MDGA2: variants seen among roughly 807,000 people sequenced by gnomAD.
MDGA2 encodes the protein MAM domain containing glycosylphosphatidylinositol anchor 2.
Under a neutral mutation model 117.8 loss-of-function variants are expected in MDGA2, and 40 were observed. That is an observed-to-expected ratio of 0.34 (90% CI 0.26 to 0.44). MDGA2 has a LOEUF of 0.44. Ranked by LOEUF, MDGA2 falls within the 20% of genes least tolerant of loss-of-function variation. MDGA2 has a pLI of 1.00. For synonymous variants in MDGA2, 452 were observed against 439.0 expected (o/e 1.03, Z -0.37); for missense variants, 1,123 against 1,250.6 (o/e 0.90, Z 1.54).
At chr14:47,645,865 G>A (rs1160956262) in intron 1 of MDGA2, among the ~76,000 whole-genome samples, 2 of 151,710 alleles carry the variant, frequency 1.3e-5, no homozygotes, top group Admixed American at 1.3e-4. Flanking sequence ...GAGGTCAGAA[G>A]ATCGAGACCA....
At chr14:46,940,768 T>A (rs1884969179) in intron 9 of MDGA2, among the ~76,000 whole-genome samples, 1 of 152,156 alleles carries the variant, frequency 6.6e-6, no homozygotes, top group Non-Finnish European at 1.5e-5. Flanking sequence ...AAGAACTGAA[T>A]GTTCAATGGT....
intron 1 of MDGA2, among the ~76,000 whole-genome samples, chr14:47,378,505 T>C (rs4900742): frequency 0.98 from 149,421 of 152,266 alleles, 73,376 homozygotes; most frequent in East Asian, 1. Context: ...GAATAAACAG[T>C]ATAGAGAAGA....
At position 47,520,719 on chromosome 14, in the gene MDGA2, A is replaced by G. The variant is rs186670230; in HGVS notation, c.280+153798T>C. On this transcript the variant is annotated intron_variant, in intron 1 of 16. Coordinates refer to ENST00000399232, the MANE Select transcript of MDGA2 (RefSeq NM_001113498.3). ...ATAAGTGTTTTAAATTAAGCACTTGACGTGTTGGAAATGAATGTACACTTT... is the reference window on the plus strand; with the variant it reads ...ATAAGTGTTTTAAATTAAGCACTTGGCGTGTTGGAAATGAATGTACACTTT... Among the ~76,000 whole-genome samples, 19 of 152,310 alleles carry G rather than the reference A, an allele frequency of 1.2e-4. No homozygotes were observed. In the East Asian group the frequency reaches 3.7e-3, roughly 29 times the overall value.
intron 1 of MDGA2, among the ~76,000 whole-genome samples, chr14:47,346,634 A>G (rs1890768591): frequency 6.6e-6 from 1 of 152,182 alleles, no homozygotes; most frequent in African/African-American, 2.4e-5. Flanking sequence ...TACATATTAG[A>G]TATTAATATT....
intron 4 of MDGA2, among the ~76,000 whole-genome samples, chr14:47,143,684 T>G (rs1882818000): frequency 6.6e-6 from 1 of 152,118 alleles, no homozygotes; most frequent in African/African-American, 2.4e-5. Context: ...TCAAACAAGT[T>G]TCTTCATTTT....
At chr14:47,451,881 T>G (rs1893248498) in intron 1 of MDGA2, among the ~76,000 whole-genome samples, 1 of 152,088 alleles carries the variant, frequency 6.6e-6, no homozygotes. Context: ...TTTGAAAGAC[T>G]CAGTAATGTT....
chr14:46,945,257 C>T (rs908512926), intron 9 of MDGA2, among the ~76,000 whole-genome samples: 2 of 152,086 alleles, frequency 1.3e-5, no homozygotes, highest in Admixed American at 6.6e-5. Context: ...AAAATTCCGC[C>T]TCCCTCTAAA....
intron 3 of MDGA2, chr14:47,200,693 T>C: frequency 1.0e-6 from 1 of 990,460 alleles, no homozygotes; most frequent in African/African-American, 1.6e-5. Flanking sequence ...GTACTGGATC[T>C]TGGCCTTCTC....
At chr14:47,249,205 G>T (rs891287708) in intron 2 of MDGA2, among the ~76,000 whole-genome samples, 1 of 151,278 alleles carries the variant, frequency 6.6e-6, no homozygotes, top group African/African-American at 2.4e-5. Flanking sequence ...TTTTAGTAGA[G>T]ACGGGATTTC....
chr14:47,426,897 T>C (rs1271078795), intron 1 of MDGA2, among the ~76,000 whole-genome samples: 1 of 151,816 alleles, frequency 6.6e-6, no homozygotes, highest in Non-Finnish European at 1.5e-5. Context: ...AAGAGCAAGC[T>C]TTGGAATTCT....
intron 3 of MDGA2, among the ~76,000 whole-genome samples, chr14:47,164,228 G>T (rs1883766795): frequency 6.6e-6 from 1 of 152,154 alleles, no homozygotes; most frequent in African/African-American, 2.4e-5. Context: ...GAAAGCCTAT[G>T]TGACAGGCTA....
At chr14:47,570,932 G>A (rs1169311418) in intron 1 of MDGA2, among the ~76,000 whole-genome samples, 1 of 152,110 alleles carries the variant, frequency 6.6e-6, no homozygotes, top group African/African-American at 2.4e-5. Context: ...CAGAGCTTCC[G>A]CACAGCAAAA....
chr14:47,547,278 T>A (rs569202065), intron 1 of MDGA2, among the ~76,000 whole-genome samples: 2 of 152,192 alleles, frequency 1.3e-5, no homozygotes, highest in Non-Finnish European at 2.9e-5. Flanking sequence ...ATGGGCAGAA[T>A]TGCAGTCATC....
At chr14:47,412,276 T>C (rs1453092077) in intron 1 of MDGA2, among the ~76,000 whole-genome samples, 2 of 151,890 alleles carry the variant, frequency 1.3e-5, no homozygotes, top group East Asian at 3.9e-4. Context: ...AATAAAAAAA[T>C]TATTTCCTTT....
intron 2 of MDGA2, among the ~76,000 whole-genome samples, chr14:47,224,726 C>T (rs1012441939): frequency 1.3e-5 from 2 of 152,118 alleles, no homozygotes; most frequent in East Asian, 3.9e-4. Context: ...GCCACCAGAG[C>T]CTTGGGAACT....
chr14:47,039,637 A>G (rs35182156), intron 7 of MDGA2, among the ~76,000 whole-genome samples: 25,711 of 152,144 alleles, frequency 0.17, 2,400 homozygotes, highest in East Asian at 0.32. Flanking sequence ...GTTTAATTTA[A>G]AAAACAACAA....
intron 1 of MDGA2, among the ~76,000 whole-genome samples, chr14:47,468,025 G>A (rs1210017033): frequency 1.3e-5 from 2 of 152,128 alleles, no homozygotes; most frequent in Non-Finnish European, 2.9e-5. Flanking sequence ...ATGGAAAGTA[G>A]TAGCTTACAG....
intron 2 of MDGA2, among the ~76,000 whole-genome samples, chr14:47,233,893 T>C (rs1417993811): frequency 6.6e-6 from 1 of 152,070 alleles, no homozygotes; most frequent in Non-Finnish European, 1.5e-5. Flanking sequence ...CTAATGGATC[T>C]CTCTATTAGC....
At chr14:47,065,353 G>A (rs1890043090) in intron 6 of MDGA2, among the ~76,000 whole-genome samples, 1 of 152,134 alleles carries the variant, frequency 6.6e-6, no homozygotes, top group Non-Finnish European at 1.5e-5. Flanking sequence ...CCCAAGTATT[G>A]AAACAGAGGC....
Sources: gnomAD v4.1 joint callset for allele counts (sites outside exome capture counted in the v4.1 genomes callset) on GRCh38, gnomAD v4.1.1 for gene constraint, MANE v1.5 for transcripts, NCBI Gene and HGNC (gene_info 2026-07-23, HGNC 2026-07-21) for gene names.